DNAAF9: variants seen among roughly 807,000 people sequenced by gnomAD.
DNAAF9 encodes the protein dynein axonemal assembly factor 9, also known as shulin.
In DNAAF9, 90 loss-of-function variants were observed where a neutral mutation model predicts 167.0. That is an observed-to-expected ratio of 0.54 (90% CI 0.45 to 0.64). DNAAF9 has a LOEUF of 0.64. Among genes scored for constraint, DNAAF9 ranks in the 30% least tolerant of loss-of-function variants. The pLI, the probability that DNAAF9 is intolerant of heterozygous loss-of-function variation, is 0.00. For synonymous variants in DNAAF9, 491 were observed against 508.8 expected, an observed-to-expected ratio of 0.96 and a Z score of 0.47; for missense variants, 1,315 against 1,442.2, an observed-to-expected ratio of 0.91 and a Z score of 1.43.
chr20:3,298,445 G>A (rs1195387940), intron 21 of DNAAF9, among the ~76,000 whole-genome samples: 1 of 152,086 alleles, frequency 6.6e-6, no homozygotes, highest in Non-Finnish European at 1.5e-5. Flanking sequence ...AGCCCTTCAA[G>A]TAGCTGAGAC....
chr20:3,316,460 C>T (rs1431990890), intron 18 of DNAAF9, among the ~76,000 whole-genome samples: 1 of 151,810 alleles, frequency 6.6e-6, no homozygotes, highest in Non-Finnish European at 1.5e-5. Context: ...AAATGAGGCT[C>T]TTAATTTCTT....
intron 29 of DNAAF9, among the ~76,000 whole-genome samples, chr20:3,271,221 T>G (rs996755387): frequency 3.9e-5 from 6 of 152,166 alleles, no homozygotes; most frequent in Non-Finnish European, 8.8e-5. Context: ...GCCATTTACC[T>G]TCACCAGTTC....
At chr20:3,374,980 TCACA>T (rs2083556403) in intron 5 of DNAAF9, 46 bp downstream of exon 5, 1 of 989,918 alleles carries the variant, frequency 1.0e-6, no homozygotes. Context: ...GACGTTCAAT[TCACA>T]CACCACCTAA....
chr20:3,378,515 C>T (rs2083605523), intron 3 of DNAAF9, among the ~76,000 whole-genome samples: 1 of 152,080 alleles, frequency 6.6e-6, no homozygotes, highest in Admixed American at 6.6e-5. Flanking sequence ...ATGGAAGAGC[C>T]ATGGGATGGA....
chr20:3,280,132 T>C (rs903713159), intron 28 of DNAAF9, among the ~76,000 whole-genome samples: 1 of 152,116 alleles, frequency 6.6e-6, no homozygotes, highest in Non-Finnish European at 1.5e-5. Context: ...GGAAAACCCA[T>C]GTGCTATAAG....
At position 3,398,500 on chromosome 20, in the gene DNAAF9, G is replaced by C. The variant is rs577050880; in HGVS notation, c.83+8975C>G. 2.1e-3 allele frequency among the ~76,000 whole-genome samples: 322 copies of C among 151,732 alleles called. 1 individual carries two copies. Among genetic ancestry groups the C allele is most frequent in the African/African-American group, 7.4e-3 (305 of 41,352 alleles). ...CACACTGGTGTCTACAAGTTATTTT[G>C]AAAAGCATTAAAAAAAAAATTGGAT... On this transcript the variant is annotated intron_variant, in intron 1 of 36. Transcript: ENST00000252032.
At chr20:3,389,334 T>G (rs2083794195) in intron 1 of DNAAF9, among the ~76,000 whole-genome samples, 1 of 150,944 alleles carries the variant, frequency 6.6e-6, no homozygotes, top group African/African-American at 2.4e-5. Context: ...TTTTTTTTTG[T>G]AGAGATGGGT....
chr20:3,334,890 T>C (rs1422062938), intron 10 of DNAAF9, among the ~76,000 whole-genome samples: 1 of 152,196 alleles, frequency 6.6e-6, no homozygotes, highest in East Asian at 1.9e-4. Context: ...CTAGCTGGCT[T>C]TCCCTGGAGT....
chr20:3,340,444 A>ACCCCCCCCCCC, intron 10 of DNAAF9, 60 bp downstream of exon 10: 1 of 138,912 alleles, frequency 7.2e-6, no homozygotes, highest in Non-Finnish European at 1.6e-5. Flanking sequence ...CCCCCCACCC[A>ACCCCCCCCCCC]CCCCACCCCC....
At chr20:3,255,932 CT>C (rs1282401092) in intron 34 of DNAAF9, 73 bp downstream of exon 34, 3 of 1,142,388 alleles carry the variant, frequency 2.6e-6, no homozygotes, top group Non-Finnish European at 3.8e-6. Context: ...AGTGGCGGGG[CT>C]TCTCAGGGCC....
chr20:3,367,375 C>A (rs2083444240), intron 6 of DNAAF9, among the ~76,000 whole-genome samples: 1 of 152,182 alleles, frequency 6.6e-6, no homozygotes, highest in Non-Finnish European at 1.5e-5. Context: ...TGAAGTAGTG[C>A]TTTTAGTTTC....
At chr20:3,357,711 G>A (rs1600850331) in intron 7 of DNAAF9, among the ~76,000 whole-genome samples, 1 of 150,884 alleles carries the variant, frequency 6.6e-6, no homozygotes, top group Non-Finnish European at 1.5e-5. Context: ...TCTTTTTTTA[G>A]ACAGAATCTC....
chr20:3,278,778 T>C (rs2068715780), intron 29 of DNAAF9, 134 bp downstream of exon 29: 1 of 766,164 alleles, frequency 1.3e-6, no homozygotes, highest in African/African-American at 1.7e-5. Flanking sequence ...AAAGTAAAGG[T>C]GTCAAAGTTT....
intron 10 of DNAAF9, among the ~76,000 whole-genome samples, chr20:3,339,002 C>G (rs899865746): frequency 6.6e-6 from 1 of 151,984 alleles, no homozygotes; most frequent in Non-Finnish European, 1.5e-5. Context: ...TCTCTTCACA[C>G]TCCTGTTCGG....
rs1177803736 is a variant in DNAAF9, at chr20:3,256,139, C to T, written c.3128G>A (p.Gly1043Glu). Residue 1043 changes from glycine to glutamate, a missense_variant, in exon 34 of 37, where the codon GGA becomes GAA. Transcript: ENST00000252032. ...NSLSIMPVLE[G>E]PTPPPDSKSV... ...TTTGGAGTCTGGTGGTGGTGTGGGTCCTTCCAAAACTGGCATGATGCTCAA... is the reference window on the plus strand; with the variant it reads ...TTTGGAGTCTGGTGGTGGTGTGGGTTCTTCCAAAACTGGCATGATGCTCAA... 6.2e-7 allele frequency: 1 copy of T among 1,614,038 alleles called. No homozygotes were observed. The highest frequency in any genetic ancestry group is 8.5e-7 in the Non-Finnish European group (1 of 1,180,036).
intron 29 of DNAAF9, 135 bp downstream of exon 29, chr20:3,278,777 G>T: frequency 2.6e-6 from 2 of 765,728 alleles, no homozygotes; most frequent in Non-Finnish European, 4.8e-6. Context: ...AAAAGTAAAG[G>T]TGTCAAAGTT....
intron 36 of DNAAF9, among the ~76,000 whole-genome samples, chr20:3,253,258 A>G (rs1490882398): frequency 1.3e-5 from 2 of 152,226 alleles, no homozygotes; most frequent in South Asian, 2.1e-4. Context: ...CCTGACCAAC[A>G]TGGAGAAACT....
chr20:3,328,476 T>A (rs2069757999), intron 12 of DNAAF9, among the ~76,000 whole-genome samples: 1 of 152,190 alleles, frequency 6.6e-6, no homozygotes, highest in South Asian at 2.1e-4. Context: ...CATAAGCCAC[T>A]GCACCCGGCC....
At chr20:3,381,178 A>G (rs2083646423) in intron 3 of DNAAF9, among the ~76,000 whole-genome samples, 1 of 152,240 alleles carries the variant, frequency 6.6e-6, no homozygotes, top group African/African-American at 2.4e-5. Flanking sequence ...TGAATTAGTA[A>G]ATATACTCTG....
Sources: gnomAD v4.1 joint callset for allele counts (sites outside exome capture counted in the v4.1 genomes callset) on GRCh38, gnomAD v4.1.1 for gene constraint, MANE v1.5 for transcripts, NCBI Gene and HGNC (gene_info 2026-07-23, HGNC 2026-07-21) for gene names.